PPM1H: variants seen among roughly 807,000 people sequenced by gnomAD.
PPM1H encodes protein phosphatase 1H.
A neutral mutation model predicts 54.9 loss-of-function variants in PPM1H; 27 were observed. The ratio of observed to expected loss-of-function variants is 0.49; its 90% CI spans 0.36 to 0.68. PPM1H has a LOEUF of 0.68. Among genes scored for constraint, PPM1H ranks in the 30% least tolerant of loss-of-function variants. The pLI, the probability that PPM1H is intolerant of heterozygous loss-of-function variation, is 0.00. For synonymous variants in PPM1H, 305 were observed against 270.8 expected (o/e 1.13, Z -1.24); for missense variants, 596 against 667.8 (o/e 0.89, Z 1.19).
intron 4 of PPM1H, among the ~76,000 whole-genome samples, chr12:62,747,987 G>A (rs560027171): frequency 3.5e-4 from 53 of 152,326 alleles, no homozygotes; most frequent in East Asian, 2.3e-3. Context: ...CTGTAGAGTA[G>A]AAATGGAAAA....
intron 6 of PPM1H, among the ~76,000 whole-genome samples, chr12:62,714,624 A>G (rs961546873): frequency 5.3e-5 from 8 of 152,138 alleles, no homozygotes; most frequent in African/African-American, 1.9e-4. Flanking sequence ...CGAGAGACCT[A>G]GGCCAGGATC....
chr12:62,762,718 T>G (rs2076517080), intron 4 of PPM1H, among the ~76,000 whole-genome samples: 1 of 152,182 alleles, frequency 6.6e-6, no homozygotes. Flanking sequence ...ACCTTGTGCC[T>G]TGTTTGTTGG....
intron 2 of PPM1H, among the ~76,000 whole-genome samples, chr12:62,820,713 A>T (rs928949594): frequency 6.6e-6 from 1 of 152,218 alleles, no homozygotes; most frequent in African/African-American, 2.4e-5. Flanking sequence ...AACAGAAAGG[A>T]ATAGCATCAG....
rs1052528334 is a variant in PPM1H at position 62,741,532 on chromosome 12, C to A, written c.870-3946G>T. Among the ~76,000 whole-genome samples the A allele has an allele frequency of 2.6e-5, 4 of 152,334 alleles. No individual in the cohort carries two copies. In the East Asian group the frequency reaches 7.7e-4, roughly 29 times the overall value. On this transcript the variant is annotated intron_variant, in intron 4 of 9. Coordinates refer to ENST00000228705, the MANE Select transcript of PPM1H (RefSeq NM_020700.2). ...TTGCTTTAGCCTCACTCTTGCTACTCCCTTCACATGGCTTCTTCCTTCTCA... is the reference window on the plus strand; with the variant it reads ...TTGCTTTAGCCTCACTCTTGCTACTACCTTCACATGGCTTCTTCCTTCTCA...
At chr12:62,922,575 A>G (rs1592672616) in intron 1 of PPM1H, among the ~76,000 whole-genome samples, 1 of 152,208 alleles carries the variant, frequency 6.6e-6, no homozygotes, top group South Asian at 2.1e-4. Flanking sequence ...TCTCCTAAAT[A>G]TGAGAGCATA....
chr12:62,828,857 A>G (rs1054539758), intron 2 of PPM1H, among the ~76,000 whole-genome samples: 9 of 152,198 alleles, frequency 5.9e-5, no homozygotes, highest in Non-Finnish European at 1.2e-4. Flanking sequence ...AATGCTCAAC[A>G]TCACTAATCA....
intron 6 of PPM1H, 104 bp from the exon 7 acceptor site, chr12:62,694,103 A>T: frequency 1.1e-6 from 1 of 925,840 alleles, no homozygotes; most frequent in Non-Finnish European, 1.7e-6. Context: ...GACCCCATCC[A>T]CTCACCACAC....
chr12:62,885,763 AC>A (rs1265840538), intron 1 of PPM1H, among the ~76,000 whole-genome samples: 5 of 152,250 alleles, frequency 3.3e-5, no homozygotes, highest in Admixed American at 3.3e-4. Context: ...TGTATCTCAA[AC>A]TGAAAAATTT....
chr12:62,919,439 TG>T (rs1340288509), intron 1 of PPM1H, among the ~76,000 whole-genome samples: 9 of 144,404 alleles, frequency 6.2e-5, no homozygotes. Context: ...GGGTGGGGGC[TG>T]GGGGAGAAGC....
At chr12:62,702,654 C>T (rs563392933) in intron 6 of PPM1H, among the ~76,000 whole-genome samples, 11 of 152,046 alleles carry the variant, frequency 7.2e-5, no homozygotes, top group South Asian at 4.2e-4. Flanking sequence ...ACGAGAGGAA[C>T]GTGATCCCCT....
intron 2 of PPM1H, among the ~76,000 whole-genome samples, chr12:62,824,672 T>C (rs1453804858): frequency 1.3e-5 from 2 of 152,188 alleles, no homozygotes; most frequent in East Asian, 1.9e-4. Flanking sequence ...ATTTAATAAA[T>C]GGTGCTGCGA....
chr12:62,762,257 A>G (rs1456387715), intron 4 of PPM1H, among the ~76,000 whole-genome samples: 1 of 152,186 alleles, frequency 6.6e-6, no homozygotes, highest in African/African-American at 2.4e-5. Context: ...GTGCTTGTCC[A>G]GAGGGGGCTC....
At chr12:62,787,792 T>TA (rs2076681654) in intron 4 of PPM1H, among the ~76,000 whole-genome samples, 1 of 152,238 alleles carries the variant, frequency 6.6e-6, no homozygotes, top group Non-Finnish European at 1.5e-5. Context: ...CTGCAGCTTC[T>TA]AAGGGAATGT....
intron 3 of PPM1H, among the ~76,000 whole-genome samples, chr12:62,793,376 T>C (rs1423293983): frequency 6.6e-6 from 1 of 152,048 alleles, no homozygotes; most frequent in East Asian, 1.9e-4. Flanking sequence ...GATCCAGTTT[T>C]TAAGATGTGG....
chr12:62,749,447 T>G (rs1458438556), intron 4 of PPM1H, among the ~76,000 whole-genome samples: 3 of 152,202 alleles, frequency 2.0e-5, no homozygotes, highest in Non-Finnish European at 4.4e-5. Context: ...CTTTGTGGAT[T>G]CTGTTTGGAT....
In PPM1H at chr12:62,801,987, C is replaced by A; in HGVS notation, c.585G>T (p.Glu195Asp). 6.2e-7 allele frequency: 1 copy of A among 1,613,118 alleles called. No individual in the cohort carries two copies. Among genetic ancestry groups the A allele is most frequent in the Non-Finnish European group, 8.5e-7 (1 of 1,179,488 alleles). The change falls in exon 3 of 10, where the codon GAG becomes GAT. Residue 195 changes from glutamate to aspartate, a missense_variant. Physicochemically the swap from Glu to Asp is conservative, Grantham distance 45 (BLOSUM62 2). This residue lies in a region of PPM1H where 382 missense variants were observed against 387.1 expected (regional missense o/e 0.99). Coordinates refer to ENST00000228705, the MANE Select transcript of PPM1H (RefSeq NM_020700.2). Reference protein sequence around the residue: ...AVLPPTCLGEEPENTPANSRT... With the variant: ...AVLPPTCLGEDPENTPANSRT... The stretch of plus-strand genomic sequence containing the variant: ...GGCTGTTGGCGGGCGTGTTCTCAGG[C>A]TCCTCCCCCAGGCAGGTAGGGGGCA...
At chr12:62,701,947 GTCTA>G (rs1489925843) in intron 6 of PPM1H, among the ~76,000 whole-genome samples, 15 of 152,144 alleles carry the variant, frequency 9.9e-5, no homozygotes, top group Admixed American at 9.8e-4. Flanking sequence ...CTATTTACCT[GTCTA>G]TCTTTGTATC....
intron 4 of PPM1H, among the ~76,000 whole-genome samples, chr12:62,748,380 C>G (rs188498270): frequency 8.5e-5 from 13 of 152,334 alleles, no homozygotes; most frequent in Non-Finnish European, 1.2e-4. Context: ...AGGGAACTTG[C>G]TGAATGGCAA....
chr12:62,788,123 A>G (rs1422177717), intron 4 of PPM1H, 103 bp downstream of exon 4: 7 of 790,130 alleles, frequency 8.9e-6, no homozygotes, highest in Non-Finnish European at 1.0e-5. Flanking sequence ...TCTGATGTAG[A>G]AGGCCTGTCT....
Sources: allele counts gnomAD v4.1 joint callset (sites outside exome capture counted in the v4.1 genomes callset), GRCh38; gene constraint gnomAD v4.1.1; regional missense constraint gnomAD v4.1.1; transcripts MANE v1.5; gene names NCBI Gene and HGNC (gene_info 2026-07-23, HGNC 2026-07-21).